The following AP3S1 variants were observed in gnomAD, a reference collection of about 807,000 sequenced individuals.
The protein encoded by AP3S1 is adaptor related protein complex 3 subunit sigma 1.
In AP3S1, 12 loss-of-function variants were observed where a neutral mutation model predicts 21.3. The ratio of observed to expected loss-of-function variants is 0.56; its 90% CI spans 0.36 to 0.91. AP3S1 has a LOEUF of 0.91. Ranked by LOEUF, AP3S1 falls within the 40% of genes least tolerant of loss-of-function variation. The probability of loss-of-function intolerance (pLI) is 0.01; values close to 1 mark genes in which losing one functional copy is unlikely to be tolerated. For missense variants in AP3S1, 116 were observed against 225.0 expected (o/e 0.52, Z 3.10); for synonymous variants, 48 against 78.4 (o/e 0.61, Z 2.05).
intron 5 of AP3S1, among the ~76,000 whole-genome samples, chr5:115,909,752 T>G (rs1580754881): frequency 6.6e-6 from 1 of 152,302 alleles, no homozygotes; most frequent in Middle Eastern, 3.4e-3. Context: ...TACTTTTACG[T>G]TTAAAAATGT....
chr5:115,880,839 T>A (rs942968940), intron 3 of AP3S1, among the ~76,000 whole-genome samples: 1 of 152,266 alleles, frequency 6.6e-6, no homozygotes, highest in Non-Finnish European at 1.5e-5. Context: ...TCTGAATCTC[T>A]TTGTATGTTT....
chr5:115,878,252 G>A (rs1435991735), intron 3 of AP3S1, among the ~76,000 whole-genome samples: 1 of 152,148 alleles, frequency 6.6e-6, no homozygotes, highest in African/African-American at 2.4e-5. Context: ...TGCTTTTGGT[G>A]TTTTAGTCAT....
intron 1 of AP3S1, among the ~76,000 whole-genome samples, chr5:115,847,482 T>G (rs1338497160): frequency 6.6e-6 from 1 of 152,086 alleles, no homozygotes; most frequent in Non-Finnish European, 1.5e-5. Flanking sequence ...TAGTGAGTCA[T>G]GTTAGCACAC....
intron 3 of AP3S1, among the ~76,000 whole-genome samples, chr5:115,881,016 C>T (rs1749230528): frequency 6.6e-6 from 1 of 151,858 alleles, no homozygotes. Flanking sequence ...ACAAGGATTG[C>T]AACCCCTGCT....
chr5:115,852,700 A>C (rs1007688383), intron 1 of AP3S1, among the ~76,000 whole-genome samples: 7 of 152,170 alleles, frequency 4.6e-5, no homozygotes, highest in Non-Finnish European at 8.8e-5. Flanking sequence ...CATTCTATAT[A>C]AATGGAATCA....
At position 115,887,453 on chromosome 5, in the gene AP3S1, A is replaced by T. The variant is rs574648890; in HGVS notation, c.274-7634A>T. Among the ~76,000 whole-genome samples, 547 of 147,590 alleles carry T rather than the reference A, an allele frequency of 3.7e-3. 4 individuals carry two copies. The highest frequency in any genetic ancestry group is 0.013 in the African/African-American group (514 of 40,340). Reference sequence around the variant, plus strand: ...CAGAAATTTCTAAACCCAGAAACCAATTTTTTTTTTTACTTAGAAACTCAA... The same window carrying T: ...CAGAAATTTCTAAACCCAGAAACCATTTTTTTTTTTTACTTAGAAACTCAA... On this transcript the variant is annotated intron_variant, in intron 3 of 5. Transcript: ENST00000316788.
At position 115,902,287 on chromosome 5, in the gene AP3S1, G is replaced by T. The variant is rs578137375; in HGVS notation, c.346-598G>T. ...GAAGTTATATTTTTACTCCCCAATG[G>T]AAGACATCATTTTTAGTCATTGTAA... is the stretch of plus-strand genomic sequence containing the variant. On this transcript the variant is annotated intron_variant, in intron 4 of 5. Transcript: ENST00000316788. Among the ~76,000 whole-genome samples the T allele has an allele frequency of 2.2e-4, 34 of 152,198 alleles. 1 individual carries two copies. In the East Asian group the frequency reaches 6.6e-3, roughly 29 times the overall value.
chr5:115,872,219 C>T (rs1025729570), intron 3 of AP3S1, among the ~76,000 whole-genome samples: 2 of 151,998 alleles, frequency 1.3e-5, no homozygotes, highest in Non-Finnish European at 1.5e-5. Context: ...GGGAGGATGG[C>T]TTGTAGTGAG....
chr5:115,894,869 G>C (rs532131487), intron 3 of AP3S1, among the ~76,000 whole-genome samples: 2 of 152,218 alleles, frequency 1.3e-5, no homozygotes, highest in Admixed American at 1.3e-4. Context: ...AAAAAAGTTT[G>C]TTTTCTATAC....
chr5:115,864,525 T>C (rs910638958), intron 1 of AP3S1, among the ~76,000 whole-genome samples: 2 of 152,204 alleles, frequency 1.3e-5, no homozygotes, highest in African/African-American at 4.8e-5. Flanking sequence ...ATCATGCAAG[T>C]CTGGAAGGGT....
At chr5:115,891,402 C>A (rs1561513846) in intron 3 of AP3S1, among the ~76,000 whole-genome samples, 1 of 152,122 alleles carries the variant, frequency 6.6e-6, no homozygotes, top group Non-Finnish European at 1.5e-5. Context: ...GACACAGTCC[C>A]ACAAGGCTGC....
Position 115,867,500 on chromosome 5 carries a change from T to G in AP3S1, c.161+739T>G, listed in dbSNP as rs182872017. Among the ~76,000 whole-genome samples, 5 of 152,278 alleles carry G rather than the reference T, an allele frequency of 3.3e-5. No individual in the cohort carries two copies. The East Asian group carries it at 9.6e-4, about 29-fold the overall frequency. On this transcript the variant is annotated intron_variant, in intron 2 of 5. Coordinates refer to ENST00000316788, the MANE Select transcript of AP3S1 (RefSeq NM_001284.4). Reference sequence around the variant, plus strand: ...AAATCAGTCAGAGAAACTTAGAATTTTCTGTATTTTACTGTGTATGATGGA... The same window carrying G: ...AAATCAGTCAGAGAAACTTAGAATTGTCTGTATTTTACTGTGTATGATGGA...
chr5:115,870,833 T>C (rs1748170597), intron 3 of AP3S1, among the ~76,000 whole-genome samples: 1 of 152,192 alleles, frequency 6.6e-6, no homozygotes, highest in Admixed American at 6.5e-5. Flanking sequence ...ACTAAGAAGT[T>C]AACCTGCCAT....
At chr5:115,871,261 T>C (rs544035275) in intron 3 of AP3S1, among the ~76,000 whole-genome samples, 1 of 152,312 alleles carries the variant, frequency 6.6e-6, no homozygotes, top group East Asian at 1.9e-4. Context: ...ACAAGATCCA[T>C]CTAAAATTGT....
At chr5:115,860,095 T>C (rs1343106722) in intron 1 of AP3S1, among the ~76,000 whole-genome samples, 1 of 152,212 alleles carries the variant, frequency 6.6e-6, no homozygotes, top group Non-Finnish European at 1.5e-5. Flanking sequence ...TCTTGTCTTT[T>C]CTAGCTCCTA....
intron 1 of AP3S1, among the ~76,000 whole-genome samples, chr5:115,866,210 C>T (rs1051473345): frequency 1.3e-5 from 2 of 152,210 alleles, no homozygotes; most frequent in Non-Finnish European, 2.9e-5. Flanking sequence ...TGGATGGACT[C>T]TTACCTCAGT....
At chr5:115,906,885 G>A in intron 5 of AP3S1, 1 of 1,483,576 alleles carries the variant, frequency 6.7e-7, no homozygotes, top group Non-Finnish European at 8.9e-7. Context: ...TGAGAAATAT[G>A]TACTATAACA....
intron 1 of AP3S1, among the ~76,000 whole-genome samples, chr5:115,861,418 G>A (rs557445070): frequency 1.3e-5 from 2 of 152,226 alleles, no homozygotes; most frequent in Admixed American, 6.5e-5. Flanking sequence ...TTTGTATTTA[G>A]GTCAGATAAA....
At chr5:115,891,337 G>T (rs1750282960) in intron 3 of AP3S1, among the ~76,000 whole-genome samples, 1 of 152,058 alleles carries the variant, frequency 6.6e-6, no homozygotes, top group Non-Finnish European at 1.5e-5. Flanking sequence ...CTCCTGCTGG[G>T]TGTCCTGTAA....
Sources: gnomAD v4.1 joint callset for allele counts (sites outside exome capture counted in the v4.1 genomes callset) on GRCh38, gnomAD v4.1.1 for gene constraint, MANE v1.5 for transcripts, NCBI Gene and HGNC (gene_info 2026-07-23, HGNC 2026-07-21) for gene names.